NDC80: variants seen among roughly 807,000 people sequenced by gnomAD.
The protein encoded by NDC80 is kinetochore protein NDC80 homolog.
Under a neutral mutation model 89.3 loss-of-function variants are expected in NDC80, and 69 were observed. That is an observed-to-expected ratio of 0.77 (90% CI 0.64 to 0.94). NDC80 has a LOEUF of 0.94. Among genes scored for constraint, NDC80 ranks in the 40% least tolerant of loss-of-function variants. The pLI is 0.00. For synonymous variants in NDC80, 243 were observed against 255.6 expected (o/e 0.95, Z 0.47); for missense variants, 593 against 739.6 (o/e 0.80, Z 2.30).
At chr18:2,587,473 T>C (rs2143642985) in intron 7 of NDC80, among the ~76,000 whole-genome samples, 1 of 152,366 alleles carries the variant, frequency 6.6e-6, no homozygotes, top group South Asian at 2.1e-4. Context: ...CATCAGGTGC[T>C]TTATTCCTAA....
intron 13 of NDC80, among the ~76,000 whole-genome samples, 188 bp downstream of exon 13, chr18:2,601,673 C>T (rs2072684793): frequency 6.6e-6 from 1 of 151,998 alleles, no homozygotes; most frequent in South Asian, 2.1e-4. Context: ...AACATCCTAG[C>T]CTTCACACAT....
intron 3 of NDC80, among the ~76,000 whole-genome samples, chr18:2,575,613 A>C (rs1223529962): frequency 2.0e-5 from 3 of 151,788 alleles, no homozygotes; most frequent in African/African-American, 2.4e-5. Flanking sequence ...CTCTACAAAA[A>C]AAAATTTTTT....
intron 11 of NDC80, among the ~76,000 whole-genome samples, chr18:2,597,072 G>A (rs2072660694): frequency 6.6e-6 from 1 of 152,028 alleles, no homozygotes; most frequent in Admixed American, 6.5e-5. Flanking sequence ...TATACCTAAT[G>A]CTAAATGATG....
chr18:2,609,880 T>C (rs1350118961), intron 15 of NDC80, among the ~76,000 whole-genome samples: 1 of 152,226 alleles, frequency 6.6e-6, no homozygotes, highest in Non-Finnish European at 1.5e-5. Context: ...ATTCACCAGG[T>C]ATTTCTCAGG....
At chr18:2,596,264 G>T (rs962213402) in intron 11 of NDC80, among the ~76,000 whole-genome samples, 1 of 151,916 alleles carries the variant, frequency 6.6e-6, no homozygotes, top group East Asian at 1.9e-4. Context: ...GAAAATTTTC[G>T]CAACCTACTC....
intron 10 of NDC80, chr18:2,594,325 A>G (rs2072642850): frequency 6.5e-6 from 1 of 152,986 alleles, no homozygotes; most frequent in Non-Finnish European, 1.5e-5. Flanking sequence ...AATCTACCAC[A>G]GCTCCAAGCT....
intron 6 of NDC80, 52 bp downstream of exon 6, chr18:2,579,081 C>CAA: frequency 1.8e-6 from 2 of 1,121,042 alleles, no homozygotes; most frequent in Non-Finnish European, 1.2e-6. Flanking sequence ...TTTTTTTCCT[C>CAA]AAAAAAAATA....
At chr18:2,591,387 A>C (rs965693300) in intron 10 of NDC80, among the ~76,000 whole-genome samples, 1 of 152,108 alleles carries the variant, frequency 6.6e-6, no homozygotes, top group Non-Finnish European at 1.5e-5. Context: ...TTTATTGACA[A>C]CTATACTGTT....
In NDC80 at chr18:2,590,081, G is replaced by A. The variant is rs753032373; in HGVS notation, c.934G>A (p.Ala312Thr). The A allele has an allele frequency of 2.5e-6, 4 of 1,612,442 alleles. No homozygotes were observed. Among genetic ancestry groups the A allele is most frequent in the South Asian group, 1.1e-5 (1 of 90,778 alleles). Residue 312 changes from alanine to threonine, a missense_variant, in exon 10 of 17, where the codon GCA becomes ACA. Transcript: ENST00000261597. ...SLQGDVQKYQAYMSNLESHSA... is the reference protein window; with the variant it reads ...SLQGDVQKYQTYMSNLESHSA... Reference sequence around the variant, plus strand: ...ACAAGGAGATGTTCAAAAGTATCAGGCATACATGAGCAATTTGGAGTCTCA... The same window carrying A: ...ACAAGGAGATGTTCAAAAGTATCAGACATACATGAGCAATTTGGAGTCTCA...
chr18:2,613,142 C>A (rs2143673693), intron 16 of NDC80, among the ~76,000 whole-genome samples: 1 of 152,338 alleles, frequency 6.6e-6, no homozygotes, highest in Middle Eastern at 3.4e-3. Flanking sequence ...AACCTGCAGG[C>A]CCAATTGGGC....
At chr18:2,575,597 C>G (rs572841664) in intron 3 of NDC80, among the ~76,000 whole-genome samples, 283 of 152,076 alleles carry the variant, frequency 1.9e-3, no homozygotes, top group Non-Finnish European at 3.5e-3. Context: ...CATTGCAAGA[C>G]CCTGTCTCTA....
intron 10 of NDC80, among the ~76,000 whole-genome samples, chr18:2,593,057 T>TGTGTG (rs1491312738): frequency 1.0e-4 from 7 of 69,320 alleles, no homozygotes; most frequent in South Asian, 4.6e-4. Context: ...TGTGTGTGTC[T>TGTGTG]TTTTTTTTTT....
intron 16 of NDC80, among the ~76,000 whole-genome samples, chr18:2,611,446 A>G (rs968456532): frequency 1.3e-5 from 2 of 152,256 alleles, no homozygotes; most frequent in East Asian, 1.9e-4. Context: ...ATGCCAGGCC[A>G]TGTTCTACAT....
At chr18:2,574,613 C>T (rs2072536400) in intron 2 of NDC80, among the ~76,000 whole-genome samples, 1 of 151,688 alleles carries the variant, frequency 6.6e-6, no homozygotes, top group African/African-American at 2.4e-5. Context: ...TGTACTTTAC[C>T]TTCAGGGTTT....
At chr18:2,600,709 A>C (rs957661719) in intron 12 of NDC80, among the ~76,000 whole-genome samples, 2 of 152,180 alleles carry the variant, frequency 1.3e-5, no homozygotes, top group African/African-American at 4.8e-5. Context: ...ACCTACTTAA[A>C]ACATAATGGC....
rs2072562034 is a variant in NDC80 at position 2,578,910 on chromosome 18, T to C, written c.477-17T>C. ...TAATAACATTAAATTAGCTTATGTT[T>C]TTCTGATTTCTCATAGGTATCCTTT... On this transcript the variant is annotated splice_polypyrimidine_tract_variant and intron_variant, in intron 5 of 16. Transcript: ENST00000261597. 11 of 1,364,916 alleles carry C rather than the reference T, an allele frequency of 8.1e-6. No homozygotes were observed. Among genetic ancestry groups the C allele is most frequent in the Non-Finnish European group, 9.8e-6 (10 of 1,018,294 alleles). 84.6% of individuals were successfully genotyped at this position (1,364,916 alleles called of 1,614,324 possible).
chr18:2,588,683 A>C (rs567410418), intron 8 of NDC80, among the ~76,000 whole-genome samples: 1 of 152,288 alleles, frequency 6.6e-6, no homozygotes, highest in South Asian at 2.1e-4. Context: ...TAACCAGGAC[A>C]ATTTCAGCTT....
At position 2,614,635 on chromosome 18, in the gene NDC80, A is replaced by AAGAAAGAG. The variant is rs2072773785; in HGVS notation, c.1792-1795_1792-1794insGAGAAAGA. On this transcript the variant is annotated intron_variant, in intron 16 of 16. Coordinates refer to ENST00000261597, the MANE Select transcript of NDC80 (RefSeq NM_006101.3). ...AAAGAAAGAAAGAAAGAAAGAAAGA[A>AAGAAAGAG]AGAAAGAAAGAAAGAAAGAAATAAA... is the stretch of plus-strand genomic sequence containing the variant. Among the ~76,000 whole-genome samples the AAGAAAGAG allele has an allele frequency of 2.2e-5, 2 of 92,154 alleles. 1 individual carries two copies. Among genetic ancestry groups the AAGAAAGAG allele is most frequent in the Non-Finnish European group, 4.8e-5 (2 of 41,516 alleles). 60.5% of individuals were successfully genotyped at this position (92,154 alleles called of 152,430 possible).
intron 15 of NDC80, among the ~76,000 whole-genome samples, chr18:2,609,094 G>A (rs1249121548): frequency 6.6e-6 from 1 of 151,754 alleles, no homozygotes. Flanking sequence ...TTTAATCCCT[G>A]AAAACAACAT....
Sources: allele counts gnomAD v4.1 joint callset (sites outside exome capture counted in the v4.1 genomes callset), GRCh38; gene constraint gnomAD v4.1.1; transcripts MANE v1.5; gene names NCBI Gene and HGNC (gene_info 2026-07-23, HGNC 2026-07-21).